Variants in NCAM1 observed in about 807,000 individuals in gnomAD.
The protein encoded by NCAM1 is neural cell adhesion molecule 1, also known as antigen recognized by monoclonal antibody 5.1H11.
In NCAM1, 14 loss-of-function variants were observed where a neutral mutation model predicts 109.8. The observed-to-expected ratio is 0.13, with a 90% CI of 0.08 to 0.20. The LOEUF (loss-of-function observed/expected upper bound fraction) is 0.20. NCAM1 is among the 10% of genes least tolerant of loss of function. NCAM1 has a pLI of 1.00. For missense variants in NCAM1, 774 were observed against 1,109.9 expected, an observed-to-expected ratio of 0.70 and a Z score of 4.30; for synonymous variants, 418 against 442.9, an observed-to-expected ratio of 0.94 and a Z score of 0.70.
chr11:113,001,391 A>G lies in NCAM1; in HGVS notation c.52+39727A>G, dbSNP rs1324406292. Among the ~76,000 whole-genome samples, 3 of 151,496 alleles carry G rather than the reference A, an allele frequency of 2.0e-5. No individual in the cohort carries two copies. The East Asian group carries it at 5.9e-4, about 30-fold the overall frequency. ...GGAATTGTGGGTGTAGAACTCAATC[A>G]AGTTTCTCTTACTAATAATGGTCAT... is the stretch of plus-strand genomic sequence containing the variant. On this transcript the variant is annotated intron_variant, in intron 1 of 19. Transcript: ENST00000316851.
chr11:113,217,307 T>A lies in NCAM1; in HGVS notation c.1059+2796T>A, dbSNP rs564960313. Among the ~76,000 whole-genome samples, 3 of 152,284 alleles carry A rather than the reference T, an allele frequency of 2.0e-5. No individual in the cohort carries two copies. The South Asian group carries it at 6.2e-4, about 32-fold the overall frequency. ...AAAGAGCTACTTCCTTGCCCCTTCC[T>A]CTACTCAGTCCTCCTAGCCTCTGCC... is the stretch of plus-strand genomic sequence containing the variant. On this transcript the variant is annotated intron_variant, in intron 8 of 19. Transcript: ENST00000316851.
intron 1 of NCAM1, among the ~76,000 whole-genome samples, chr11:113,077,309 T>A (rs1938571946): frequency 6.6e-6 from 1 of 152,182 alleles, no homozygotes; most frequent in Non-Finnish European, 1.5e-5. Flanking sequence ...ATTTTGATCT[T>A]GATATAAAGA....
chr11:113,177,773 A>G (rs1302324864), intron 1 of NCAM1, among the ~76,000 whole-genome samples: 1 of 152,186 alleles, frequency 6.6e-6, no homozygotes, highest in South Asian at 2.1e-4. Context: ...AGCCCCTGTC[A>G]TGGGCAGGGT....
At chr11:113,116,565 G>A (rs1174155080) in intron 1 of NCAM1, among the ~76,000 whole-genome samples, 1 of 152,240 alleles carries the variant, frequency 6.6e-6, no homozygotes, top group East Asian at 1.9e-4. Context: ...TAGCTTTGGA[G>A]TTATTTAAAT....
In NCAM1 at chr11:113,259,009, A is replaced by T. The variant is rs574630779; in HGVS notation, c.1954-1137A>T. Among the ~76,000 whole-genome samples, 273 of 152,056 alleles carry T rather than the reference A, an allele frequency of 1.8e-3. 4 individuals carry two copies. The highest frequency in any genetic ancestry group is 2.0e-3 in the Non-Finnish European group (138 of 67,978). The stretch of plus-strand genomic sequence containing the variant: ...AAGAAAATGTGTGTAAAGCTTTTGT[A>T]GTGCCTAGCTCTTAGTAAGGGCTCA... On this transcript the variant is annotated intron_variant, in intron 16 of 19. Coordinates refer to ENST00000316851, the MANE Select transcript of NCAM1 (RefSeq NM_181351.5).
intron 17 of NCAM1, chr11:113,264,921 G>T: frequency 2.0e-6 from 2 of 985,658 alleles, no homozygotes; most frequent in South Asian, 9.4e-5. Flanking sequence ...CCCCAGCCCC[G>T]CCAGGAGTCC....
At chr11:113,208,754 TTGTC>T (rs1300961925) in intron 7 of NCAM1, among the ~76,000 whole-genome samples, 3 of 152,152 alleles carry the variant, frequency 2.0e-5, no homozygotes, top group Admixed American at 6.5e-5. Context: ...GTTTTGGGGA[TTGTC>T]TGTCTCCTAC....
rs1283231793 is a variant in NCAM1, at chr11:113,271,620, T to C, written c.2340-140T>C. The stretch of plus-strand genomic sequence containing the variant: ...CTCAAGGTCACACAGCTAGCAAGGG[T>C]TGGGCTGAGACTTATACATTTGAAT... On this transcript the variant is annotated intron_variant, in intron 18 of 19. Transcript: ENST00000316851. The C allele has an allele frequency of 5.3e-6, 3 of 563,996 alleles. No individual in the cohort carries two copies. The African/African-American group carries it at 5.8e-5, about 11-fold the overall frequency. 34.9% of individuals were successfully genotyped at this position (563,996 alleles called of 1,614,324 possible). A position where few individuals can be genotyped will look rare whatever the true frequency, so the allele number is the denominator to read the frequency against.
intron 7 of NCAM1, among the ~76,000 whole-genome samples, chr11:113,212,562 G>C (rs1476481939): frequency 1.3e-5 from 2 of 152,102 alleles, no homozygotes; most frequent in African/African-American, 4.8e-5. Context: ...ATTTTAAGGG[G>C]CCCCAAATTC....
chr11:112,975,990 G>T (rs1950995568), intron 1 of NCAM1, among the ~76,000 whole-genome samples: 1 of 151,924 alleles, frequency 6.6e-6, no homozygotes, highest in Middle Eastern at 3.4e-3. Context: ...TTGTGTTCTA[G>T]TGATATTCAC....
chr11:113,242,932 T>C, intron 14 of NCAM1: 1 of 1,606,180 alleles, frequency 6.2e-7, no homozygotes. Context: ...TGCCTGTTGT[T>C]TTCCCTTTTA....
intron 17 of NCAM1, chr11:113,265,202 C>G: frequency 1.0e-6 from 1 of 978,646 alleles, no homozygotes; most frequent in Non-Finnish European, 1.2e-6. Context: ...TGTGAACTCA[C>G]CAGCGTGGCT....
At chr11:113,199,081 T>C (rs782091717) in intron 1 of NCAM1, among the ~76,000 whole-genome samples, 1 of 152,124 alleles carries the variant, frequency 6.6e-6, no homozygotes, top group Non-Finnish European at 1.5e-5. Flanking sequence ...GCCCAATACC[T>C]AGGTTCATAA....
chr11:113,252,727 C>T (rs564940399), intron 15 of NCAM1, among the ~76,000 whole-genome samples: 61 of 145,704 alleles, frequency 4.2e-4, no homozygotes, highest in Non-Finnish European at 7.1e-4. Context: ...CCTCTGCCTC[C>T]GGGGTTCAAG....
intron 9 of NCAM1, among the ~76,000 whole-genome samples, chr11:113,228,043 C>T (rs578228612): frequency 1.3e-5 from 2 of 152,320 alleles, no homozygotes; most frequent in South Asian, 2.1e-4. Context: ...TGCCCTCTCT[C>T]ACTACTCCTA....
At chr11:113,231,363 C>A (rs1945000227) in intron 9 of NCAM1, 1 of 1,427,184 alleles carries the variant, frequency 7.0e-7, no homozygotes, top group Non-Finnish European at 9.5e-7. Context: ...TCTTGGGGGA[C>A]CTAGCCCCAA....
At chr11:113,224,232 C>T (rs1349041337) in intron 9 of NCAM1, among the ~76,000 whole-genome samples, 1 of 152,210 alleles carries the variant, frequency 6.6e-6, no homozygotes, top group Non-Finnish European at 1.5e-5. Flanking sequence ...TCATTCCCAC[C>T]CTAATACTAC....
At chr11:113,232,676 C>T (rs1380709722) in intron 11 of NCAM1, 42 bp from the exon 12 acceptor site, 6 of 1,455,514 alleles carry the variant, frequency 4.1e-6, no homozygotes, top group Admixed American at 1.7e-5. Context: ...CTGTGACCAT[C>T]CCATAGGACA....
intron 1 of NCAM1, among the ~76,000 whole-genome samples, chr11:113,182,174 G>T (rs1335815841): frequency 6.6e-6 from 1 of 152,150 alleles, no homozygotes; most frequent in African/African-American, 2.4e-5. Context: ...CAAGCTTTTT[G>T]ACTGTACCCC....
Sources: allele counts gnomAD v4.1 joint callset (sites outside exome capture counted in the v4.1 genomes callset), GRCh38; gene constraint gnomAD v4.1.1; transcripts MANE v1.5; gene names NCBI Gene and HGNC (gene_info 2026-07-23, HGNC 2026-07-21).